Variants in CSGALNACT1 observed in about 807,000 individuals in gnomAD.
CSGALNACT1 encodes the protein chondroitin sulfate N-acetylgalactosaminyltransferase 1.
Under a neutral mutation model 51.0 loss-of-function variants are expected in CSGALNACT1, and 52 were observed. That is an observed-to-expected ratio of 1.02 (90% CI 0.82 to 1.29). The LOEUF is 1.29. CSGALNACT1 is among the 50% of genes most tolerant of loss of function. The pLI is 0.00. For missense variants in CSGALNACT1, 935 were observed against 679.2 expected, an observed-to-expected ratio of 1.38 and a Z score of -4.19; for synonymous variants, 341 against 254.4, an observed-to-expected ratio of 1.34 and a Z score of -3.24.
intron 1 of CSGALNACT1, among the ~76,000 whole-genome samples, chr8:19,608,703 C>T (rs913911571): frequency 1.3e-5 from 2 of 152,156 alleles, no homozygotes; most frequent in Admixed American, 6.5e-5. Context: ...TTTACAATTC[C>T]CTCTGGCTAA....
chr8:19,462,237 G>C (rs1396819874), intron 4 of CSGALNACT1, among the ~76,000 whole-genome samples: 1 of 152,338 alleles, frequency 6.6e-6, no homozygotes, highest in East Asian at 1.9e-4. Flanking sequence ...ATCTCGTTGA[G>C]TTTCTGTTAT....
At chr8:19,514,475 C>CTACATATATA (rs2079085353) in intron 3 of CSGALNACT1, among the ~76,000 whole-genome samples, 1 of 78,782 alleles carries the variant, frequency 1.3e-5, no homozygotes, top group Non-Finnish European at 2.4e-5. Flanking sequence ...TGAACAGAGA[C>CTACATATATA]TATATATATA....
At chr8:19,500,859 C>T (rs891684968) in intron 4 of CSGALNACT1, among the ~76,000 whole-genome samples, 2 of 152,104 alleles carry the variant, frequency 1.3e-5, no homozygotes, top group South Asian at 2.1e-4. Flanking sequence ...TTACGGAGGC[C>T]GGGAAGTCCA....
chr8:19,639,233 C>G (rs77472437), intron 1 of CSGALNACT1, among the ~76,000 whole-genome samples: 4 of 152,188 alleles, frequency 2.6e-5, no homozygotes, highest in Non-Finnish European at 4.4e-5. Context: ...GGCTTTATGT[C>G]CAAATGGGAG....
chr8:19,721,441 G>C (rs76730841), intron 1 of CSGALNACT1, among the ~76,000 whole-genome samples: 1 of 152,188 alleles, frequency 6.6e-6, no homozygotes, highest in Admixed American at 6.5e-5. Flanking sequence ...AACAACACAT[G>C]AGACACGATC....
chr8:19,488,890 T>C (rs551294391), intron 4 of CSGALNACT1, among the ~76,000 whole-genome samples: 2 of 152,278 alleles, frequency 1.3e-5, no homozygotes, highest in East Asian at 1.9e-4. Context: ...GTCTCATCAA[T>C]TTTCCCTGCT....
exon 4 of CSGALNACT1, chr8:19,505,390 C>G (rs141711370): frequency 6.2e-7 from 1 of 1,614,172 alleles, no homozygotes; most frequent in Non-Finnish European, 8.5e-7. Flanking sequence ...GTAAAGCTAT[C>G]GAAAGGCACT....
upstream of CSGALNACT1, among the ~76,000 whole-genome samples, chr8:19,605,926 A>G (rs1377382387): frequency 6.6e-6 from 1 of 152,200 alleles, no homozygotes. Context: ...TTAATGTACA[A>G]CTAATAAGTG....
chr8:19,555,863 C>G (rs372258176), intron 3 of CSGALNACT1, among the ~76,000 whole-genome samples: 2 of 152,118 alleles, frequency 1.3e-5, no homozygotes, highest in African/African-American at 2.4e-5. Context: ...CGTGGAAACA[C>G]CCCAACTCCA....
chr8:19,656,600 C>CA (rs1564362060), intron 1 of CSGALNACT1, among the ~76,000 whole-genome samples: 2 of 137,828 alleles, frequency 1.5e-5, no homozygotes, highest in African/African-American at 5.5e-5. Context: ...CGCCCCCCCC[C>CA]CACACACACA....
intron 1 of CSGALNACT1, among the ~76,000 whole-genome samples, chr8:19,712,099 C>T (rs751081907): frequency 6.6e-6 from 1 of 152,114 alleles, no homozygotes; most frequent in Non-Finnish European, 1.5e-5. Context: ...GATCTCGGCT[C>T]ACTGCAAGCT....
At chr8:19,690,468 T>A (rs1470957127) in intron 1 of CSGALNACT1, among the ~76,000 whole-genome samples, 1 of 152,236 alleles carries the variant, frequency 6.6e-6, no homozygotes, top group African/African-American at 2.4e-5. Flanking sequence ...TATATAGAAC[T>A]ATTAAATAGT....
At chr8:19,470,484 C>G (rs1040980902) in intron 4 of CSGALNACT1, among the ~76,000 whole-genome samples, 1 of 152,106 alleles carries the variant, frequency 6.6e-6, no homozygotes, top group Non-Finnish European at 1.5e-5. Context: ...GTGAGGAACA[C>G]AGGCAACAGA....
At chr8:19,655,190 G>C (rs566401353) in intron 1 of CSGALNACT1, among the ~76,000 whole-genome samples, 1 of 152,118 alleles carries the variant, frequency 6.6e-6, no homozygotes, top group African/African-American at 2.4e-5. Flanking sequence ...CTCTGACTCC[G>C]TGATGATAGG....
chr8:19,727,974 A>G (rs896787911), intron 1 of CSGALNACT1, among the ~76,000 whole-genome samples: 1 of 152,202 alleles, frequency 6.6e-6, no homozygotes, highest in African/African-American at 2.4e-5. Context: ...TTATCTTAAT[A>G]GAGCAGCAAG....
intron 4 of CSGALNACT1, among the ~76,000 whole-genome samples, chr8:19,464,377 T>A (rs962284622): frequency 6.6e-6 from 1 of 152,112 alleles, no homozygotes; most frequent in Non-Finnish European, 1.5e-5. Context: ...CAGCATCCCA[T>A]ACCACAGAAT....
At chr8:19,578,947 C>G (rs1023237118) in intron 3 of CSGALNACT1, among the ~76,000 whole-genome samples, 2 of 152,182 alleles carry the variant, frequency 1.3e-5, no homozygotes, top group African/African-American at 4.8e-5. Context: ...CCACGCTGGT[C>G]TCAAACTCCT....
At chr8:19,754,192 T>G (rs1165845574) in intron 1 of CSGALNACT1, among the ~76,000 whole-genome samples, 1 of 152,162 alleles carries the variant, frequency 6.6e-6, no homozygotes, top group Non-Finnish European at 1.5e-5. Context: ...CATGCCCAGC[T>G]AATTTTTGTA....
At chr8:19,652,105 A>G (rs990368007) in intron 1 of CSGALNACT1, among the ~76,000 whole-genome samples, 11 of 151,656 alleles carry the variant, frequency 7.3e-5, no homozygotes, top group African/African-American at 2.7e-4. Context: ...AATTTTAAAT[A>G]TTTATTTTTA....
Sources: gnomAD v4.1 joint callset for allele counts (sites outside exome capture counted in the v4.1 genomes callset) on GRCh38, gnomAD v4.1.1 for gene constraint, MANE v1.5 for transcripts, NCBI Gene and HGNC (gene_info 2026-07-23, HGNC 2026-07-21) for gene names.